The following MROH9 variants were observed in gnomAD, a reference collection of about 807,000 sequenced individuals.
MROH9 encodes maestro heat like repeat family member 9, also known as maestro heat-like repeat-containing protein family member 9.
Under a neutral mutation model 98.2 loss-of-function variants are expected in MROH9, and 92 were observed. That is an observed-to-expected ratio of 0.94 (90% CI 0.79 to 1.11). MROH9 has a LOEUF of 1.11. MROH9 is among the 50% of genes most tolerant of loss of function. The probability of loss-of-function intolerance (pLI) is 0.00; values close to 1 mark genes in which losing one functional copy is unlikely to be tolerated. For synonymous variants in MROH9, 397 were observed against 368.9 expected (o/e 1.08, Z -0.87); for missense variants, 1,057 against 1,014.8 (o/e 1.04, Z -0.57).
Position 170,973,704 on chromosome 1 carries a change from C to T in MROH9, c.616+1821C>T, listed in dbSNP as rs566058668. Among the ~76,000 whole-genome samples, 388 of 152,210 alleles carry T rather than the reference C, an allele frequency of 2.5e-3. 3 individuals are homozygous for T. The highest frequency in any genetic ancestry group is 8.5e-3 in the African/African-American group (353 of 41,544). ...TAGCCTGGCTAAAATGGTGAATCCC[C>T]GTCTCTACTAAAAATACAAAATTAG... On this transcript the variant is annotated intron_variant, in intron 8 of 21. Transcript: ENST00000367759.
At chr1:170,999,369 G>T (rs529151184) in intron 15 of MROH9, among the ~76,000 whole-genome samples, 2 of 152,082 alleles carry the variant, frequency 1.3e-5, no homozygotes, top group South Asian at 4.1e-4. Context: ...TTATGCCTTT[G>T]CATCCTCATA....
chr1:170,941,317 G>A (rs1466046737), intron 1 of MROH9, among the ~76,000 whole-genome samples: 9 of 152,058 alleles, frequency 5.9e-5, no homozygotes, highest in African/African-American at 2.2e-4. Context: ...TCTTCAAAAG[G>A]GCCCAGCCTC....
intron 7 of MROH9, among the ~76,000 whole-genome samples, chr1:170,966,770 C>G (rs896939965): frequency 6.6e-6 from 1 of 152,082 alleles, no homozygotes; most frequent in African/African-American, 2.4e-5. Flanking sequence ...GGAAGGCAGC[C>G]TTTCTCTAAC....
chr1:170,942,368 GAC>G (rs10529238), intron 1 of MROH9, among the ~76,000 whole-genome samples: 13,979 of 144,834 alleles, frequency 0.097, 793 homozygotes, highest in African/African-American at 0.17. Flanking sequence ...ATGTAGAGTA[GAC>G]ACACACACAC....
intron 15 of MROH9, among the ~76,000 whole-genome samples, chr1:170,999,459 C>T (rs1179636210): frequency 6.6e-6 from 1 of 152,070 alleles, no homozygotes; most frequent in African/African-American, 2.4e-5. Flanking sequence ...ATAATAGTCT[C>T]CAATCTCATC....
intron 11 of MROH9, among the ~76,000 whole-genome samples, chr1:170,991,198 AG>A (rs1651341787): frequency 6.6e-6 from 1 of 152,206 alleles, no homozygotes; most frequent in East Asian, 1.9e-4. Context: ...AGCTGCTACC[AG>A]CAGGTCTAAT....
At chr1:171,045,692 GA>G (rs1401715509) in intron 20 of MROH9, among the ~76,000 whole-genome samples, 1 of 152,234 alleles carries the variant, frequency 6.6e-6, no homozygotes, top group Non-Finnish European at 1.5e-5. Flanking sequence ...AATGTTTTAA[GA>G]CTGTTCAGTG....
rs77285433 is a variant in MROH9 at position 171,035,748 on chromosome 1, A to T, written c.2281+10328A>T. Among the ~76,000 whole-genome samples the T allele has an allele frequency of 9.9e-3, 1,515 of 152,332 alleles. 16 individuals carry two copies. The highest frequency in any genetic ancestry group is 0.016 in the Non-Finnish European group (1,097 of 68,014). ...CCATTATACATCCAACATAAAGTGTAGAATAAAGACTAACAATCTCAACTG... is the reference window on the plus strand; with the variant it reads ...CCATTATACATCCAACATAAAGTGTTGAATAAAGACTAACAATCTCAACTG... On this transcript the variant is annotated intron_variant, in intron 20 of 21. Transcript: ENST00000367759.
intron 20 of MROH9, among the ~76,000 whole-genome samples, chr1:171,042,117 C>T (rs1297025968): frequency 1.3e-5 from 2 of 151,938 alleles, no homozygotes; most frequent in Non-Finnish European, 2.9e-5. Flanking sequence ...TTAACCATCC[C>T]CACAACCCCC....
chr1:171,042,879 G>C (rs1168818080), intron 20 of MROH9, among the ~76,000 whole-genome samples: 3 of 152,008 alleles, frequency 2.0e-5, no homozygotes, highest in African/African-American at 7.2e-5. Context: ...TATATATTCT[G>C]GTTATTAACC....
intron 7 of MROH9, among the ~76,000 whole-genome samples, chr1:170,968,872 G>A (rs1420910269): frequency 6.6e-6 from 1 of 152,176 alleles, no homozygotes; most frequent in Non-Finnish European, 1.5e-5. Flanking sequence ...CCTATACATT[G>A]AATAATTTTA....
At chr1:170,968,508 C>A (rs1333400864) in intron 7 of MROH9, among the ~76,000 whole-genome samples, 1 of 152,050 alleles carries the variant, frequency 6.6e-6, no homozygotes, top group Non-Finnish European at 1.5e-5. Context: ...TTTTAAGCAG[C>A]AACCACACTT....
intron 20 of MROH9, among the ~76,000 whole-genome samples, chr1:171,054,118 A>T (rs118132520): frequency 6.6e-6 from 1 of 152,352 alleles, no homozygotes; most frequent in East Asian, 1.9e-4. Context: ...AGTTTTCTAG[A>T]TACAACATCA....
At chr1:170,975,131 T>C (rs1164635606) in intron 8 of MROH9, among the ~76,000 whole-genome samples, 1 of 151,972 alleles carries the variant, frequency 6.6e-6, no homozygotes, top group East Asian at 1.9e-4. Context: ...AACCCAATCA[T>C]AATAAATGTA....
chr1:170,983,515 A>T lies in MROH9; in HGVS notation c.710A>T (p.Asp237Val). The change falls in exon 9 of 22, where the codon GAC becomes GTC. Residue 237 changes from aspartate to valine, a missense_variant. Asp to Val is a radical substitution (Grantham distance 152). Coordinates refer to ENST00000367759, the MANE Select transcript of MROH9 (RefSeq NM_001163629.2). ...VEFLPKEFQQ[D>V]ESKIAQRVGQ... is the part of the protein sequence containing the mutation. ...TTTCTACCCAAGGAGTTTCAACAAG[A>T]CGAAAGTAAAATAGCTCAGGTAACT... The T allele has an allele frequency of 6.2e-7, 1 of 1,609,930 alleles. No homozygotes were observed. Among genetic ancestry groups the T allele is most frequent in the Non-Finnish European group, 8.5e-7 (1 of 1,176,642 alleles).
Position 170,995,464 on chromosome 1 carries a change from T to C in MROH9, c.1270T>C (p.Leu424=), listed in dbSNP as rs373184772. 7 of 1,613,324 alleles carry C rather than the reference T, an allele frequency of 4.3e-6. No individual in the cohort carries two copies. Among genetic ancestry groups the C allele is most frequent in the African/African-American group, 1.3e-5 (1 of 74,858 alleles). Residue 424 remains leucine (L), a synonymous_variant, in exon 13 of 22, where the codon TTG becomes CTG. Coordinates refer to ENST00000367759, the MANE Select transcript of MROH9 (RefSeq NM_001163629.2). ...GGTGGCCCAGTATTTCCCCCAGCTC[T>C]TGACGACTCTTATGTTCCAAGTCTT... ...KAVAQYFPQL[L]TTLMFQVFYN... is the part of the protein sequence containing the mutation.
At chr1:170,977,673 A>G (rs975558335) in intron 8 of MROH9, among the ~76,000 whole-genome samples, 16 of 152,128 alleles carry the variant, frequency 1.1e-4, no homozygotes, top group Non-Finnish European at 7.4e-5. Flanking sequence ...AGTGTTGGCT[A>G]TAGATCATGG....
intron 15 of MROH9, among the ~76,000 whole-genome samples, chr1:171,002,053 T>C (rs1651802229): frequency 6.6e-6 from 1 of 152,212 alleles, no homozygotes. Context: ...GATATAAGAA[T>C]AGCTACTCCT....
chr1:171,043,831 C>G (rs1349344421), intron 20 of MROH9, among the ~76,000 whole-genome samples: 1 of 152,018 alleles, frequency 6.6e-6, no homozygotes, highest in Non-Finnish European at 1.5e-5. Context: ...TTGTATTTTA[C>G]AACTTTACTG....
Sources: gnomAD v4.1 joint callset for allele counts (sites outside exome capture counted in the v4.1 genomes callset) on GRCh38, gnomAD v4.1.1 for gene constraint, MANE v1.5 for transcripts, NCBI Gene and HGNC (gene_info 2026-07-23, HGNC 2026-07-21) for gene names.